The following PLA2R1 variants were observed in gnomAD, a reference collection of about 807,000 sequenced individuals.
PLA2R1 encodes phospholipase A2 receptor 1, also known as secretory phospholipase A2 receptor.
In PLA2R1, 158 loss-of-function variants were observed where a neutral mutation model predicts 195.9. That is an observed-to-expected ratio of 0.81 (90% CI 0.71 to 0.92). PLA2R1 has a LOEUF of 0.92. Among genes scored for constraint, PLA2R1 ranks in the 40% least tolerant of loss-of-function variants. PLA2R1 has a pLI of 0.00. For synonymous variants in PLA2R1, 586 were observed against 598.2 expected (o/e 0.98, Z 0.30); for missense variants, 1,626 against 1,764.6 (o/e 0.92, Z 1.41).
At chr2:160,025,588 CAAAAAA>C (rs56365741) in intron 6 of PLA2R1, among the ~76,000 whole-genome samples, 6 of 52,868 alleles carry the variant, frequency 1.1e-4, no homozygotes, top group Admixed American at 8.4e-4. Flanking sequence ...AACCATAAAG[CAAAAAA>C]AAAAAAAAAA....
downstream of PLA2R1, among the ~76,000 whole-genome samples, chr2:159,930,886 T>C (rs1469417376): frequency 6.6e-6 from 1 of 152,222 alleles, no homozygotes; most frequent in African/African-American, 2.4e-5. Context: ...CCTCCGTGAT[T>C]TCCTTTTTCA....
At position 159,934,739 on chromosome 2, in the gene PLA2R1, A is replaced by G. The variant is rs1284275154; in HGVS notation, c.*7039T>C. The stretch of plus-strand genomic sequence containing the variant: ...CAGAAAAATTGCCAACTTAGTCCAG[A>G]GAGTTCCTGTACAGCCTCCTTCAGC... On this transcript the variant is annotated 3_prime_UTR_variant, in exon 30 of 30. Transcript: ENST00000283243. 6.6e-6 allele frequency: 1 copy of G among 152,230 alleles called. No individual in the cohort carries two copies. The highest frequency in any genetic ancestry group is 1.5e-5 in the Non-Finnish European group (1 of 68,048). 9.4% of individuals were successfully genotyped at this position (152,230 alleles called of 1,614,324 possible).
the PLA2R1 span, among the ~76,000 whole-genome samples, chr2:159,925,207 A>C: frequency 7.7e-6 from 1 of 129,404 alleles, no homozygotes; most frequent in Admixed American, 7.7e-5. Context: ...ACAAACAAAC[A>C]ATCAATTAGG....
Position 160,032,233 on chromosome 2 carries a change from T to G in PLA2R1, c.841+726A>C, listed in dbSNP as rs543171930. On this transcript the variant is annotated intron_variant, in intron 4 of 29. Coordinates refer to ENST00000283243, the MANE Select transcript of PLA2R1 (RefSeq NM_007366.5). Reference sequence around the variant, plus strand: ...CTGAATTTTACAAATTATTCTAAAATAAACATGGACTACATATGCAATAAA... The same window carrying G: ...CTGAATTTTACAAATTATTCTAAAAGAAACATGGACTACATATGCAATAAA... Among the ~76,000 whole-genome samples the G allele has an allele frequency of 6.6e-5, 10 of 152,342 alleles. No homozygotes were observed. The South Asian group carries it at 1.9e-3, about 28-fold the overall frequency.
At chr2:160,010,684 C>A (rs1692299687) in intron 10 of PLA2R1, among the ~76,000 whole-genome samples, 1 of 152,224 alleles carries the variant, frequency 6.6e-6, no homozygotes, top group South Asian at 2.1e-4. Flanking sequence ...ACTGCCCAAC[C>A]TTCTCAGACA....
At chr2:160,030,477 A>T (rs1263872363) in intron 4 of PLA2R1, among the ~76,000 whole-genome samples, 1 of 152,254 alleles carries the variant, frequency 6.6e-6, no homozygotes. Flanking sequence ...TTTAAAATCT[A>T]GTTAAAATAT....
chr2:159,987,622 T>A (rs867255975), intron 11 of PLA2R1, among the ~76,000 whole-genome samples: 1 of 152,312 alleles, frequency 6.6e-6, no homozygotes, highest in Middle Eastern at 3.4e-3. Flanking sequence ...AGATGGCAAA[T>A]GATGAGGAAC....
chr2:160,052,765 A>G (rs1407843096), intron 1 of PLA2R1, among the ~76,000 whole-genome samples: 2 of 152,236 alleles, frequency 1.3e-5, no homozygotes, highest in Non-Finnish European at 2.9e-5. Flanking sequence ...CAACAAAACC[A>G]GAAAACAACT....
At chr2:160,005,901 AG>A (rs1446742694) in intron 10 of PLA2R1, 80 bp from the exon 11 acceptor site, 6 of 920,428 alleles carry the variant, frequency 6.5e-6, no homozygotes, top group Non-Finnish European at 1.1e-5. Context: ...TGAAGTGCAC[AG>A]AATGGCCCCA....
intron 1 of PLA2R1, among the ~76,000 whole-genome samples, chr2:160,051,624 A>G (rs1695217972): frequency 6.6e-6 from 1 of 152,214 alleles, no homozygotes. Context: ...AGAGCTGATT[A>G]CGTTCCTAAG....
At chr2:160,022,480 T>G (rs1329268054) in intron 7 of PLA2R1, among the ~76,000 whole-genome samples, 185 bp downstream of exon 7, 1 of 152,174 alleles carries the variant, frequency 6.6e-6, no homozygotes, top group Non-Finnish European at 1.5e-5. Context: ...TGTTACAAAG[T>G]TTCTGAACAT....
At chr2:159,977,497 A>G (rs1689655443) in intron 14 of PLA2R1, 81 bp from the exon 15 acceptor site, 3 of 1,219,442 alleles carry the variant, frequency 2.5e-6, no homozygotes, top group Admixed American at 3.6e-5. Context: ...ATCCCTGTAC[A>G]TAAGCATTAT....
At chr2:160,043,152 C>T (rs1037735442) in intron 2 of PLA2R1, among the ~76,000 whole-genome samples, 9 of 152,098 alleles carry the variant, frequency 5.9e-5, no homozygotes, top group Admixed American at 2.6e-4. Context: ...CGCCATACTG[C>T]GGGCTTTGGC....
chr2:160,022,555 G>T, intron 7 of PLA2R1, 110 bp downstream of exon 7: 1 of 550,988 alleles, frequency 1.8e-6, no homozygotes, highest in Non-Finnish European at 3.1e-6. Context: ...AAATATATGT[G>T]CAATGAATAA....
intron 20 of PLA2R1, among the ~76,000 whole-genome samples, chr2:159,964,604 C>T (rs975227654): frequency 6.6e-6 from 1 of 152,026 alleles, no homozygotes; most frequent in South Asian, 2.1e-4. Context: ...TACCTCATTA[C>T]TATAGTAAAG....
chr2:159,983,830 G>A, intron 13 of PLA2R1, 98 bp downstream of exon 13: 1 of 586,552 alleles, frequency 1.7e-6, no homozygotes, highest in South Asian at 3.0e-5. Context: ...TACAAATATG[G>A]GAATTTTAAA....
chr2:160,056,568 A>G (rs1462943856), intron 1 of PLA2R1, among the ~76,000 whole-genome samples: 1 of 152,056 alleles, frequency 6.6e-6, no homozygotes, highest in African/African-American at 2.4e-5. Flanking sequence ...AACTTTCACT[A>G]ACTGTTTTCT....
At chr2:160,031,915 T>C (rs191541035) in intron 4 of PLA2R1, among the ~76,000 whole-genome samples, 4 of 152,242 alleles carry the variant, frequency 2.6e-5, no homozygotes, top group Admixed American at 6.5e-5. Flanking sequence ...TACGGGTGCA[T>C]GCCACCACGT....
In PLA2R1 at chr2:159,976,135, A is replaced by C. The variant is rs774504832; in HGVS notation, c.2528T>G (p.Leu843Arg). The C allele has an allele frequency of 6.2e-7, 1 of 1,612,492 alleles. No homozygotes were observed. The highest frequency in any genetic ancestry group is 1.1e-5 in the South Asian group (1 of 91,008). The change falls in exon 17 of 30, where the codon CTG (leucine) becomes CGG (arginine). Residue 843 changes from leucine to arginine, a missense_variant. Physicochemically the swap from Leu to Arg is moderately radical, Grantham distance 102. Coordinates refer to ENST00000283243, the MANE Select transcript of PLA2R1 (RefSeq NM_007366.5). ...WLNFEFVCSW[L>R]HSDLLTIHSA... ...ATGAATTGTGAGAAGATCACTGTGC[A>C]GCCAGCTACAGACAAACTCAAAGTT...
Sources: allele counts gnomAD v4.1 joint callset (sites outside exome capture counted in the v4.1 genomes callset), GRCh38; gene constraint gnomAD v4.1.1; transcripts MANE v1.5; gene names NCBI Gene and HGNC (gene_info 2026-07-23, HGNC 2026-07-21).